Variants in SAMD5 observed in about 807,000 individuals in gnomAD.
SAMD5 encodes the protein sterile alpha motif domain-containing protein 5.
Under a neutral mutation model 11.3 loss-of-function variants are expected in SAMD5, and 13 were observed. The ratio of observed to expected loss-of-function variants is 1.15; its 90% CI spans 0.75 to 1.83. SAMD5 has a LOEUF of 1.83. SAMD5 is among the 40% of genes most tolerant of loss of function. The pLI, the probability that SAMD5 is intolerant of heterozygous loss-of-function variation, is 0.00. For synonymous variants in SAMD5, 129 were observed against 111.3 expected, an observed-to-expected ratio of 1.16 and a Z score of -1.00; for missense variants, 255 against 239.1, an observed-to-expected ratio of 1.07 and a Z score of -0.44.
chr6:147,626,886 A>G (rs1790063078), intron 1 of SAMD5, among the ~76,000 whole-genome samples: 1 of 151,794 alleles, frequency 6.6e-6, no homozygotes, highest in South Asian at 2.1e-4. Flanking sequence ...ATAGCACTCA[A>G]AAATATTTGC....
chr6:147,924,976 T>C, the SAMD5 span, among the ~76,000 whole-genome samples: 1 of 152,094 alleles, frequency 6.6e-6, no homozygotes, highest in Non-Finnish European at 1.5e-5. Flanking sequence ...ATGTCTTGTA[T>C]TTACTCAGGC....
At chr6:147,762,934 G>A in the SAMD5 span, among the ~76,000 whole-genome samples, 1 of 152,010 alleles carries the variant, frequency 6.6e-6, no homozygotes. Flanking sequence ...TTCATTGGTA[G>A]GATTTAATAA....
At chr6:147,621,000 A>G (rs1200300403) in intron 1 of SAMD5, among the ~76,000 whole-genome samples, 3 of 142,070 alleles carry the variant, frequency 2.1e-5, no homozygotes, top group African/African-American at 8.6e-5. Flanking sequence ...GCGCGCGCGC[A>G]CATGCGCGCG....
chr6:147,939,336 T>C, the SAMD5 span, among the ~76,000 whole-genome samples: 36 of 152,144 alleles, frequency 2.4e-4, no homozygotes, highest in Non-Finnish European at 1.6e-4. Flanking sequence ...ACTCAGTCTC[T>C]AGCCCCCTCC....
chr6:147,833,463 G>C, the SAMD5 span, among the ~76,000 whole-genome samples: 1 of 152,086 alleles, frequency 6.6e-6, no homozygotes, highest in Non-Finnish European at 1.5e-5. Flanking sequence ...TAAATTATAC[G>C]TTAGACTGTG....
At chr6:147,540,933 G>GTTTTTT (rs1187718649) in intron 1 of SAMD5, among the ~76,000 whole-genome samples, 1 of 64,156 alleles carries the variant, frequency 1.6e-5, no homozygotes, top group Admixed American at 2.5e-4. Context: ...CAAGCCACGC[G>GTTTTTT]TTTTTTTTTT....
chr6:147,912,812 A>G, the SAMD5 span, among the ~76,000 whole-genome samples: 101 of 152,274 alleles, frequency 6.6e-4, no homozygotes, highest in Middle Eastern at 3.4e-3. Context: ...AAAGAAAAAC[A>G]GTGACATCCA....
intron 1 of SAMD5, among the ~76,000 whole-genome samples, chr6:147,652,117 C>T (rs754425210): frequency 6.6e-6 from 1 of 152,208 alleles, no homozygotes; most frequent in Non-Finnish European, 1.5e-5. Context: ...GACAAAGGTG[C>T]ATTTCTTACA....
intron 1 of SAMD5, among the ~76,000 whole-genome samples, chr6:147,631,459 G>A (rs887518895): frequency 8.6e-5 from 13 of 152,020 alleles, no homozygotes; most frequent in African/African-American, 2.4e-4. Flanking sequence ...CTGTTAGTTC[G>A]TTCCACCTTT....
chr6:147,769,606 TCTTCATAAC>T, the SAMD5 span, among the ~76,000 whole-genome samples: 1 of 152,372 alleles, frequency 6.6e-6, no homozygotes, highest in Non-Finnish European at 1.5e-5. Context: ...AATGGCAGCG[TCTTCATAAC>T]CTTTTCAGGT....
chr6:147,794,272 A>G, the SAMD5 span, among the ~76,000 whole-genome samples: 2 of 152,226 alleles, frequency 1.3e-5, no homozygotes, highest in Admixed American at 1.3e-4. Context: ...TTGGTGAGCC[A>G]GTAAGGTTTA....
the SAMD5 span, among the ~76,000 whole-genome samples, chr6:147,904,311 C>T: frequency 6.6e-6 from 1 of 152,130 alleles, no homozygotes; most frequent in Non-Finnish European, 1.5e-5. Flanking sequence ...CAAAAAGCTT[C>T]CAAATGTGCT....
At chr6:147,532,973 A>C (rs1319719739) in intron 1 of SAMD5, among the ~76,000 whole-genome samples, 5 of 152,114 alleles carry the variant, frequency 3.3e-5, no homozygotes, top group African/African-American at 4.8e-5. Context: ...ATGTTAACCA[A>C]AGTTCTTTTG....
the SAMD5 span, among the ~76,000 whole-genome samples, chr6:147,898,207 G>A: frequency 2.6e-4 from 40 of 151,940 alleles, no homozygotes; most frequent in Non-Finnish European, 4.3e-4. Flanking sequence ...AATTTACAGC[G>A]TGATATATGA....
chr6:147,564,917 C>T lies in SAMD5; in HGVS notation c.*461C>T. On this transcript the variant is annotated 3_prime_UTR_variant, in exon 2 of 2. Transcript: ENST00000367474. The stretch of plus-strand genomic sequence containing the variant: ...GCTTTAATTTTTATATTCAAGCATA[C>T]ATTCTACTTCATTTCATATAGGACC... The T allele has an allele frequency of 1.2e-6, 1 of 823,810 alleles. No homozygotes were observed. The highest frequency in any genetic ancestry group is 1.3e-4 in the East Asian group (1 of 7,990). 51.0% of individuals were successfully genotyped at this position (823,810 alleles called of 1,614,324 possible). A position where few individuals can be genotyped will look rare whatever the true frequency, so the allele number is the denominator to read the frequency against.
At chr6:147,682,423 C>A (rs188390607) in intron 1 of SAMD5, among the ~76,000 whole-genome samples, 15 of 152,146 alleles carry the variant, frequency 9.9e-5, no homozygotes, top group African/African-American at 1.7e-4. Context: ...TTGATTGGTC[C>A]ACAGTTGGTC....
chr6:147,620,803 C>G (rs985831370), intron 1 of SAMD5, among the ~76,000 whole-genome samples: 7 of 152,088 alleles, frequency 4.6e-5, no homozygotes, highest in Non-Finnish European at 7.3e-5. Flanking sequence ...CCAAGTGGAG[C>G]TGATCAGAAC....
At chr6:147,643,893 T>TGG (rs1790354751) in intron 1 of SAMD5, among the ~76,000 whole-genome samples, 1 of 152,110 alleles carries the variant, frequency 6.6e-6, no homozygotes, top group African/African-American at 2.4e-5. Context: ...AAAGAAATGA[T>TGG]AAGTTCCTAA....
intron 1 of SAMD5, among the ~76,000 whole-genome samples, chr6:147,630,555 A>G (rs1488719382): frequency 7.3e-6 from 1 of 137,388 alleles, no homozygotes; most frequent in African/African-American, 2.8e-5. Flanking sequence ...TGTGACCCCC[A>G]CCCCTGCCAG....
Sources: gnomAD v4.1 joint callset for allele counts (sites outside exome capture counted in the v4.1 genomes callset) on GRCh38, gnomAD v4.1.1 for gene constraint, MANE v1.5 for transcripts, NCBI Gene and HGNC (gene_info 2026-07-23, HGNC 2026-07-21) for gene names.